Variants in RECQL5 observed in about 807,000 individuals in gnomAD.
RECQL5 encodes the protein ATP-dependent DNA helicase Q5.
RECQL5 carries 88 observed loss-of-function variants against 103.4 expected under a neutral mutation model. The observed-to-expected ratio is 0.85, with a 90% CI of 0.72 to 1.02. The LOEUF (loss-of-function observed/expected upper bound fraction) is 1.02, where lower values mean the gene tolerates loss of function less well. Ranked by LOEUF, RECQL5 falls within the 50% of genes least tolerant of loss-of-function variation. The pLI is 0.00. For missense variants in RECQL5, 1,232 were observed against 1,284.3 expected, an observed-to-expected ratio of 0.96 and a Z score of 0.62; for synonymous variants, 552 against 507.9, an observed-to-expected ratio of 1.09 and a Z score of -1.17.
In RECQL5 at chr17:75,658,787, A is replaced by G. The variant is rs77239757; in HGVS notation, c.987-327T>C. On this transcript the variant is annotated intron_variant, in intron 6 of 19. Coordinates refer to ENST00000317905, the MANE Select transcript of RECQL5 (RefSeq NM_004259.7). ...CCACTTATGAGCTATGCAAATTTGA[A>G]TAAGTTATTTATAACTTCTTTGGAG... is the stretch of plus-strand genomic sequence containing the variant. Among the ~76,000 whole-genome samples, 25 of 152,356 alleles carry G rather than the reference A, an allele frequency of 1.6e-4. No individual in the cohort carries two copies. The East Asian group carries it at 4.2e-3, about 26-fold the overall frequency.
intron 8 of RECQL5, among the ~76,000 whole-genome samples, chr17:75,642,067 G>C (rs977753568): frequency 6.6e-6 from 1 of 152,162 alleles, no homozygotes; most frequent in Non-Finnish European, 1.5e-5. Context: ...GGACCAACCA[G>C]GGCAACAGGG....
At chr17:75,642,595 C>A (rs1224687644) in intron 8 of RECQL5, among the ~76,000 whole-genome samples, 1 of 150,794 alleles carries the variant, frequency 6.6e-6, no homozygotes, top group African/African-American at 2.5e-5. Flanking sequence ...CATTCTCAGC[C>A]CCCTCCAAAG....
chr17:75,628,287 C>G lies in RECQL5; in HGVS notation c.2736G>C (p.Leu912Phe), dbSNP rs772243083. 1.9e-6 allele frequency: 3 copies of G among 1,614,178 alleles called. No individual in the cohort carries two copies. The South Asian group carries it at 3.3e-5, about 18-fold the overall frequency. Reference sequence around the variant, plus strand: ...TGACCACAACATTTGCAGCCTCCTTCAAGGAGACGCCAGGAGCGGAGAGCT... The same window carrying G: ...TGACCACAACATTTGCAGCCTCCTTGAAGGAGACGCCAGGAGCGGAGAGCT... Reference protein sequence around the residue: ...PFQLSAPGVSLKEAANVVVKC... With the variant: ...PFQLSAPGVSFKEAANVVVKC... Residue 912 changes from leucine to phenylalanine, a missense_variant, in exon 18 of 20, where the codon TTG becomes TTC. Physicochemically the swap from Leu to Phe is conservative, Grantham distance 22. Transcript: ENST00000317905.
At chr17:75,656,950 TAGTC>T (rs1236103245) in intron 7 of RECQL5, among the ~76,000 whole-genome samples, 2 of 152,142 alleles carry the variant, frequency 1.3e-5, no homozygotes, top group Non-Finnish European at 2.9e-5. Flanking sequence ...TTCACCGTGT[TAGTC>T]AGGATCGTCT....
chr17:75,655,746 C>G (rs1263293495), intron 7 of RECQL5, among the ~76,000 whole-genome samples: 1 of 151,984 alleles, frequency 6.6e-6, no homozygotes, highest in Non-Finnish European at 1.5e-5. Flanking sequence ...ATGGTATGAT[C>G]TCAGCTTACC....
chr17:75,658,270 GA>G (rs1276167939), intron 7 of RECQL5, 27 bp downstream of exon 7: 2 of 1,605,556 alleles, frequency 1.2e-6, no homozygotes, highest in South Asian at 2.2e-5. Context: ...GGGTCAGACT[GA>G]AAGACCTTCT....
chr17:75,661,413 A>C (rs2059697686), intron 5 of RECQL5, among the ~76,000 whole-genome samples, 193 bp downstream of exon 5: 1 of 152,208 alleles, frequency 6.6e-6, no homozygotes, highest in Non-Finnish European at 1.5e-5. Context: ...AGAACTCAGG[A>C]GTCACAATTC....
chr17:75,640,560 G>A lies in RECQL5; in HGVS notation c.1230-8892C>T, dbSNP rs958698867. ...AGTACCCCGGGATCCCAAACGCGGG[G>A]ATGACGGGAGCCAGGCTTGGGCAGT... On this transcript the variant is annotated intron_variant, in intron 8 of 19. Coordinates refer to ENST00000317905, the MANE Select transcript of RECQL5 (RefSeq NM_004259.7). The surrounding 1 kb of genome is among the most constrained non-coding windows in gnomAD (Gnocchi z 4.6). 3.3e-5 allele frequency among the ~76,000 whole-genome samples: 5 copies of A among 152,156 alleles called. No individual in the cohort carries two copies. Among genetic ancestry groups the A allele is most frequent in the African/African-American group, 1.2e-4 (5 of 41,438 alleles).
chr17:75,642,014 G>C (rs775846875), intron 8 of RECQL5, among the ~76,000 whole-genome samples: 1 of 152,198 alleles, frequency 6.6e-6, no homozygotes, highest in Non-Finnish European at 1.5e-5. Flanking sequence ...TATCTTTAGA[G>C]CCCCATCACC....
intron 8 of RECQL5, chr17:75,635,744 C>A: frequency 1.0e-6 from 1 of 976,074 alleles, no homozygotes; most frequent in South Asian, 4.7e-5. Flanking sequence ...CTAAAACCCA[C>A]CATGACGAAA....
Position 75,651,251 on chromosome 17 carries a change from G to T in RECQL5, c.1164C>A (p.Asn388Lys). ...TGATAGTGGCTTTATCAGATGCTTT[G>T]TTTCCTCTCTTTTCCTGGGGACAAA... is the stretch of plus-strand genomic sequence containing the variant. ...EVAKLQEKRG[N>K]KASDKATIMA... The change falls in exon 8 of 20, where the codon AAC (asparagine) becomes AAA (lysine). Residue 388 changes from asparagine (N) to lysine (K), a missense_variant. Physicochemically the swap from Asn to Lys is moderately conservative, Grantham distance 94. Coordinates refer to ENST00000317905, the MANE Select transcript of RECQL5 (RefSeq NM_004259.7). The T allele has an allele frequency of 6.2e-7, 1 of 1,614,180 alleles. No homozygotes were observed. Among genetic ancestry groups the T allele is most frequent in the Non-Finnish European group, 8.5e-7 (1 of 1,180,030 alleles).
chr17:75,630,764 CT>C lies in RECQL5; in HGVS notation c.1644+14del. The stretch of plus-strand genomic sequence containing the variant: ...AGGGCCCCGGCGGGTGGCTGAGGAG[CT>C]GCCCGTCTCTTACCTTCACAGTCAG... On this transcript the variant is annotated intron_variant, in intron 12 of 19. Coordinates refer to ENST00000317905, the MANE Select transcript of RECQL5 (RefSeq NM_004259.7). 6.3e-7 allele frequency: 1 copy of C among 1,574,842 alleles called. No homozygotes were observed. Among genetic ancestry groups the C allele is most frequent in the Non-Finnish European group, 8.6e-7 (1 of 1,158,934 alleles).
In RECQL5 at chr17:75,630,845, G is replaced by GC. The variant is rs756811280; in HGVS notation, c.1586-9_1586-8insG. 277 of 1,398,036 alleles carry GC rather than the reference G, an allele frequency of 2.0e-4. 4 individuals are homozygous for GC. Among genetic ancestry groups the GC allele is most frequent in the Non-Finnish European group, 2.5e-4 (259 of 1,044,046 alleles). The allele number at this position is 1,398,036 out of a possible 1,614,324, so 86.6% of individuals were successfully genotyped here. A position where few individuals can be genotyped will look rare whatever the true frequency, so the allele number is the denominator to read the frequency against. On this transcript the variant is annotated splice_polypyrimidine_tract_variant and intron_variant, in intron 11 of 19. Transcript: ENST00000317905. ...TCAGGGGACAGTTCTCATCTGTGGG[G>GC]GGGGGGGGTGGTCCTTGGTCCTTTC...
In RECQL5 at chr17:75,661,188, C is replaced by T. The variant is rs2148340064; in HGVS notation, c.875-122G>A. ...AAACCCTGAATCTTTCACTTCCCAG[C>T]TGTCTGACCTTAACATCAGGCGCTT... On this transcript the variant is annotated intron_variant, in intron 5 of 19. Coordinates refer to ENST00000317905, the MANE Select transcript of RECQL5 (RefSeq NM_004259.7). 1.3e-5 allele frequency: 10 copies of T among 747,756 alleles called. No individual in the cohort carries two copies. The South Asian group carries it at 1.5e-4, about 11-fold the overall frequency. The allele number at this position is 747,756 out of a possible 1,614,324, so 46.3% of individuals were successfully genotyped here.
chr17:75,629,126 C>G lies in RECQL5; in HGVS notation c.2297G>C (p.Arg766Pro), dbSNP rs200403434. 6.2e-7 allele frequency: 1 copy of G among 1,613,748 alleles called. No individual in the cohort carries two copies. The highest frequency in any genetic ancestry group is 2.2e-5 in the East Asian group (1 of 44,884). The change falls in exon 16 of 20, where the codon CGC becomes CCC. Residue 766 changes from arginine to proline, a missense_variant. Physicochemically the swap from Arg to Pro is moderately radical, Grantham distance 103. Transcript: ENST00000317905. ...GCTTTCCACCCTTCGGCAGAAGAAG[C>G]GGGCGATGCTCTGAGAATCCTTGTG... ...AAHKDSQSIARFFCRRVESPA... is the reference protein window; with the variant it reads ...AAHKDSQSIAPFFCRRVESPA...
At chr17:75,658,191 G>T in intron 7 of RECQL5, 107 bp downstream of exon 7, 1 of 1,250,686 alleles carries the variant, frequency 8.0e-7, no homozygotes, top group Non-Finnish European at 1.1e-6. Context: ...CAGGTTGGGA[G>T]CAGCCTCCTC....
In RECQL5 at chr17:75,666,424, T is replaced by C; in HGVS notation, c.130+4A>G. ...TTTAAAGGAAGGTAGCTTGGTAATG[T>C]TACCTTTTACTACAGCCATGGTCGC... On this transcript the variant is annotated splice_donor_region_variant and intron_variant, in intron 2 of 19. Coordinates refer to ENST00000317905, the MANE Select transcript of RECQL5 (RefSeq NM_004259.7). The C allele has an allele frequency of 6.2e-7, 1 of 1,613,788 alleles. No individual in the cohort carries two copies. Among genetic ancestry groups the C allele is most frequent in the South Asian group, 1.1e-5 (1 of 91,020 alleles).
Position 75,650,923 on chromosome 17 carries a change from C to T in RECQL5, c.1229+263G>A, listed in dbSNP as rs528628400. 6.2e-6 allele frequency: 9 copies of T among 1,441,154 alleles called. No individual in the cohort carries two copies. In the African/African-American group the frequency reaches 8.6e-5, roughly 14 times the overall value. 89.3% of individuals were successfully genotyped at this position (1,441,154 alleles called of 1,614,324 possible). On this transcript the variant is annotated intron_variant, in intron 8 of 19. Coordinates refer to ENST00000317905, the MANE Select transcript of RECQL5 (RefSeq NM_004259.7). The stretch of plus-strand genomic sequence containing the variant: ...CCTTGGAACTGAGTGGCTTGTGGGG[C>T]CAGCCATCCCAGAAGAGGGTGGAGT...
Position 75,640,419 on chromosome 17 carries a change from G to A in RECQL5, c.1230-8751C>T, listed in dbSNP as rs1393129330. On this transcript the variant is annotated intron_variant, in intron 8 of 19. Transcript: ENST00000317905. This position sits in a 1 kb window ranked among gnomAD's most constrained non-coding sequence, Gnocchi z 4.6. ...CAGCCAGAGGGCTGGCAGAGGTGGC[G>A]GGTGTCTGCCGGATCAAGGAGGAAA... 46 of 1,446,332 alleles carry A rather than the reference G, an allele frequency of 3.2e-5. No individual in the cohort carries two copies. The highest frequency in any genetic ancestry group is 2.3e-4 in the Admixed American group (8 of 34,822). The allele number at this position is 1,446,332 out of a possible 1,614,324, so 89.6% of individuals were successfully genotyped here.
Sources: gnomAD v4.1 joint callset for allele counts (sites outside exome capture counted in the v4.1 genomes callset) on GRCh38, gnomAD v4.1.1 for gene constraint, Gnocchi (gnomAD v3.1) non-coding constraint, MANE v1.5 for transcripts, NCBI Gene and HGNC (gene_info 2026-07-23, HGNC 2026-07-21) for gene names.